SRGAP2C: variants seen among roughly 807,000 people sequenced by gnomAD.
SRGAP2C encodes SLIT-ROBO Rho GTPase activating protein 2C.
A neutral mutation model predicts 25.1 loss-of-function variants in SRGAP2C; 15 were observed. That is an observed-to-expected ratio of 0.60 (90% CI 0.40 to 0.92). The LOEUF is 0.92. SRGAP2C is among the 40% of genes least tolerant of loss of function. The pLI is 0.00. For synonymous variants in SRGAP2C, 44 were observed against 96.6 expected (o/e 0.46, Z 3.19); for missense variants, 144 against 264.4 (o/e 0.54, Z 3.16).
At chr1:121,327,941 T>G (rs1216692926) in intron 4 of SRGAP2C, among the ~76,000 whole-genome samples, 2 of 152,254 alleles carry the variant, frequency 1.3e-5, no homozygotes, top group African/African-American at 4.8e-5. Context: ...CTATGTGATC[T>G]CCATGGTGCC....
chr1:121,346,962 A>G (rs1298489952), intron 4 of SRGAP2C, among the ~76,000 whole-genome samples: 1 of 152,156 alleles, frequency 6.6e-6, no homozygotes, highest in Non-Finnish European at 1.5e-5. Flanking sequence ...TCACACTTCA[A>G]ATGTTTGGCT....
chr1:121,212,297 A>T (rs1262340461), intron 2 of SRGAP2C, among the ~76,000 whole-genome samples: 1 of 147,380 alleles, frequency 6.8e-6, no homozygotes, highest in East Asian at 2.0e-4. Flanking sequence ...CGCTCGGCTA[A>T]TTTTTGTATT....
intron 4 of SRGAP2C, among the ~76,000 whole-genome samples, chr1:121,363,971 G>GA (rs1168926855): frequency 1.7e-4 from 25 of 150,954 alleles, no homozygotes; most frequent in Admixed American, 4.6e-4. Flanking sequence ...TTTGTAATCA[G>GA]AAAAAAAAGT....
intron 5 of SRGAP2C, 30 bp from the exon 6 acceptor site, chr1:121,373,941 C>CT: frequency 1.5e-6 from 1 of 651,508 alleles, no homozygotes; most frequent in Non-Finnish European, 2.8e-6. Flanking sequence ...GGCTTGACCT[C>CT]TGGGGGTGGG....
chr1:121,343,303 C>T (rs1658672475), intron 4 of SRGAP2C, among the ~76,000 whole-genome samples: 1 of 152,106 alleles, frequency 6.6e-6, no homozygotes, highest in African/African-American at 2.4e-5. Flanking sequence ...GAATCTAATT[C>T]CATCCTTCCA....
intron 2 of SRGAP2C, among the ~76,000 whole-genome samples, chr1:121,198,333 C>A (rs1324380356): frequency 6.9e-6 from 1 of 144,844 alleles, no homozygotes; most frequent in African/African-American, 2.6e-5. Flanking sequence ...CTTCTAAATG[C>A]ATTAATCAGT....
chr1:121,203,412 CAG>C (rs1230250609), intron 2 of SRGAP2C, among the ~76,000 whole-genome samples: 2 of 147,842 alleles, frequency 1.4e-5, no homozygotes, highest in Non-Finnish European at 3.0e-5. Flanking sequence ...TTGTACAACA[CAG>C]GGCAGGATGA....
At chr1:121,292,976 C>T (rs1284461075) in intron 3 of SRGAP2C, among the ~76,000 whole-genome samples, 2,957 of 78,090 alleles carry the variant, frequency 0.038, 1,085 homozygotes, top group Non-Finnish European at 0.056. Context: ...ATACAGAGTG[C>T]CACAGGTGCA....
At chr1:121,312,673 T>C (rs1657993585) in intron 3 of SRGAP2C, among the ~76,000 whole-genome samples, 1 of 87,780 alleles carries the variant, frequency 1.1e-5, no homozygotes, top group African/African-American at 4.0e-5. Context: ...TGCCTTCATT[T>C]TGTTATGTAC....
Position 121,202,068 on chromosome 1 carries a change from T to C in SRGAP2C, c.67+14555T>C, listed in dbSNP as rs587673509. ...CTAACCTTTAAAATCCTTTCCAGAA[T>C]AGTATACCGCAGCCCACCTTCCCAT... On this transcript the variant is annotated intron_variant, in intron 2 of 9. Coordinates refer to ENST00000367123, the MANE Select transcript of SRGAP2C (RefSeq NM_001329984.2). Among the ~76,000 whole-genome samples the C allele has an allele frequency of 2.6e-5, 4 of 152,334 alleles. No individual in the cohort carries two copies. The East Asian group carries it at 7.7e-4, about 29-fold the overall frequency.
At chr1:121,335,824 C>CT (rs1553342421) in intron 4 of SRGAP2C, among the ~76,000 whole-genome samples, 6 of 150,440 alleles carry the variant, frequency 4.0e-5, no homozygotes, top group Middle Eastern at 3.4e-3. Context: ...TTCCTCTTGA[C>CT]TTTTTTTTAC....
intron 2 of SRGAP2C, among the ~76,000 whole-genome samples, chr1:121,223,999 G>T (rs1464819568): frequency 2.6e-5 from 4 of 151,800 alleles, no homozygotes; most frequent in Admixed American, 6.6e-5. Context: ...TACAGAGGCC[G>T]CTTGGCCTCT....
At chr1:121,199,143 T>A (rs1558077753) in intron 2 of SRGAP2C, among the ~76,000 whole-genome samples, 1 of 147,256 alleles carries the variant, frequency 6.8e-6, no homozygotes, top group Non-Finnish European at 1.5e-5. Flanking sequence ...GCTGCTATTA[T>A]TATCCCCATT....
At chr1:121,249,023 TC>T (rs1196873235) in intron 2 of SRGAP2C, among the ~76,000 whole-genome samples, 1 of 14,862 alleles carries the variant, frequency 6.7e-5, no homozygotes, top group Non-Finnish European at 1.7e-4. Flanking sequence ...AAATTATTTC[TC>T]TAATTTCTAT....
chr1:121,314,907 C>T lies in SRGAP2C; in HGVS notation c.261-9571C>T, dbSNP rs1335131631. 1.8e-4 allele frequency: 123 copies of T among 687,888 alleles called. 3 individuals are homozygous for T. The highest frequency in any genetic ancestry group is 3.1e-4 in the African/African-American group (16 of 52,096). The allele number at this position is 687,888 out of a possible 1,614,324, so 42.6% of individuals were successfully genotyped here. A position where few individuals can be genotyped will look rare whatever the true frequency, so the allele number is the denominator to read the frequency against. ...GCTGTAGACCGGAGCTGTTCCTATT[C>T]GGCCATATTGGCTCCTCCCCCCTAC... On this transcript the variant is annotated intron_variant, in intron 3 of 9. Coordinates refer to ENST00000367123, the MANE Select transcript of SRGAP2C (RefSeq NM_001329984.2).
At chr1:121,263,240 C>T (rs1438855717) in intron 2 of SRGAP2C, among the ~76,000 whole-genome samples, 2 of 150,730 alleles carry the variant, frequency 1.3e-5, no homozygotes, top group Non-Finnish European at 3.0e-5. Context: ...ATGGGAATCG[C>T]TTGAGCCCAG....
intron 2 of SRGAP2C, among the ~76,000 whole-genome samples, chr1:121,207,569 G>C (rs1655146597): frequency 6.6e-6 from 1 of 152,156 alleles, no homozygotes; most frequent in African/African-American, 2.4e-5. Context: ...AGGCAGAAGT[G>C]GTTGATCTCC....
chr1:121,240,413 GTT>G (rs1570730934), intron 2 of SRGAP2C, among the ~76,000 whole-genome samples: 1 of 149,794 alleles, frequency 6.7e-6, no homozygotes, highest in East Asian at 1.9e-4. Context: ...CTAAAAGGTA[GTT>G]GGAAAGACAG....
intron 3 of SRGAP2C, among the ~76,000 whole-genome samples, chr1:121,315,802 T>TTA (rs1658084934): frequency 8.7e-6 from 1 of 114,288 alleles, no homozygotes; most frequent in African/African-American, 3.7e-5. Flanking sequence ...GCATCTGTTG[T>TTA]TAGTCAATAC....
Sources: gnomAD v4.1 joint callset for allele counts (sites outside exome capture counted in the v4.1 genomes callset) on GRCh38, gnomAD v4.1.1 for gene constraint, MANE v1.5 for transcripts, NCBI Gene and HGNC (gene_info 2026-07-23, HGNC 2026-07-21) for gene names.